Variants in RLN2 observed in about 807,000 individuals in gnomAD.
RLN2 encodes the protein relaxin 2, also known as prorelaxin H2.
A neutral mutation model predicts 7.3 loss-of-function variants in RLN2; 10 were observed. The observed-to-expected ratio is 1.36, with a 90% CI of 0.84 to 2.31. The LOEUF is 2.31. Ranked by LOEUF, RLN2 falls within the 30% of genes most tolerant of loss-of-function variation. The pLI is 0.00. For synonymous variants in RLN2, 103 were observed against 82.3 expected (o/e 1.25, Z -1.36); for missense variants, 298 against 217.6 (o/e 1.37, Z -2.32).
chr9:5,321,763 G>C, the RLN2 span, among the ~76,000 whole-genome samples: 1 of 151,868 alleles, frequency 6.6e-6, no homozygotes, highest in East Asian at 1.9e-4. Flanking sequence ...AAAGGAGAAA[G>C]CAAGAACACT....
At chr9:5,320,861 T>C in the RLN2 span, among the ~76,000 whole-genome samples, 1 of 152,086 alleles carries the variant, frequency 6.6e-6, no homozygotes, top group Non-Finnish European at 1.5e-5. Context: ...GTAGAAATGA[T>C]GAATTTTATC....
chr9:5,315,262 AAAG>A, the RLN2 span, among the ~76,000 whole-genome samples: 1 of 151,950 alleles, frequency 6.6e-6, no homozygotes, highest in Non-Finnish European at 1.5e-5. Context: ...GAAATTCAAT[AAAG>A]AAGAAAACAG....
the RLN2 span, among the ~76,000 whole-genome samples, chr9:5,333,786 C>G: frequency 6.6e-6 from 1 of 151,972 alleles, no homozygotes; most frequent in Non-Finnish European, 1.5e-5. Context: ...CACTGGCAAG[C>G]AAAATCCAGC....
At chr9:5,320,071 T>A in the RLN2 span, among the ~76,000 whole-genome samples, 1 of 150,914 alleles carries the variant, frequency 6.6e-6, no homozygotes, top group Non-Finnish European at 1.5e-5. Context: ...CTGCAACCTC[T>A]GCCTCCCGGA....
the RLN2 span, among the ~76,000 whole-genome samples, chr9:5,338,172 T>C: frequency 5.5e-4 from 60 of 109,504 alleles, 1 homozygote; most frequent in South Asian, 0.014. Flanking sequence ...TTAATGTACA[T>C]TTGTCTTTAA....
At chr9:5,320,595 T>C in the RLN2 span, among the ~76,000 whole-genome samples, 1 of 151,710 alleles carries the variant, frequency 6.6e-6, no homozygotes. Flanking sequence ...GCTCTCAAAC[T>C]TCTGACCTCA....
the RLN2 span, among the ~76,000 whole-genome samples, chr9:5,336,242 T>G: frequency 6.6e-6 from 1 of 152,020 alleles, no homozygotes; most frequent in African/African-American, 2.4e-5. Flanking sequence ...AAGAGAGAAG[T>G]GGGTTAAAAG....
the RLN2 span, among the ~76,000 whole-genome samples, chr9:5,321,287 C>T: frequency 4.6e-5 from 7 of 152,048 alleles, no homozygotes; most frequent in African/African-American, 1.7e-4. Flanking sequence ...GGACTTTCTT[C>T]CAGGTAAGAT....
chr9:5,338,097 T>C, the RLN2 span, among the ~76,000 whole-genome samples: 5,516 of 141,554 alleles, frequency 0.039, 156 homozygotes, highest in South Asian at 0.047. Flanking sequence ...CATTTTCTCA[T>C]AAAATTCACA....
At chr9:5,334,899 T>C in the RLN2 span, 2 of 174,168 alleles carry the variant, frequency 1.1e-5, no homozygotes, top group Non-Finnish European at 2.4e-5. Context: ...TAAGAGTTAA[T>C]ATCAATAAAA....
At chr9:5,307,288 GATAGATAGA>G (rs1816272170), upstream of RLN2, among the ~76,000 whole-genome samples, 12 of 134,496 alleles carry the variant, frequency 8.9e-5, no homozygotes, top group Admixed American at 8.6e-4. Flanking sequence ...TAGATAGATA[GATAGATAGA>G]TAGATAGATA....
chr9:5,327,292 C>A, the RLN2 span, among the ~76,000 whole-genome samples: 7 of 152,080 alleles, frequency 4.6e-5, no homozygotes, highest in African/African-American at 1.4e-4. Flanking sequence ...TTGCTCACTA[C>A]TAGCGCAGCA....
chr9:5,307,233 T>TAG (rs1816267332), upstream of RLN2, among the ~76,000 whole-genome samples: 1 of 151,226 alleles, frequency 6.6e-6, no homozygotes, highest in East Asian at 1.9e-4. Flanking sequence ...AGATAGATGA[T>TAG]AGATAGGTGA....
the RLN2 span, among the ~76,000 whole-genome samples, chr9:5,321,117 C>CTTTTG: frequency 6.6e-6 from 1 of 152,044 alleles, no homozygotes; most frequent in Non-Finnish European, 1.5e-5. Context: ...CAGTTTTAAC[C>CTTTTG]AAAAGTTTAA....
the RLN2 span, among the ~76,000 whole-genome samples, chr9:5,336,153 C>T: frequency 6.6e-6 from 1 of 151,972 alleles, no homozygotes; most frequent in South Asian, 2.1e-4. Flanking sequence ...AGAAGGAAAT[C>T]TCTGATGTTC....
chr9:5,311,309 T>G, the RLN2 span: 1 of 357,922 alleles, frequency 2.8e-6, no homozygotes, highest in Non-Finnish European at 5.3e-6. Flanking sequence ...TATGAGTGCA[T>G]GAGCAGACAT....
chr9:5,316,460 G>A, the RLN2 span, among the ~76,000 whole-genome samples: 1 of 151,848 alleles, frequency 6.6e-6, no homozygotes, highest in Non-Finnish European at 1.5e-5. Context: ...CCCCCTGAAA[G>A]GCCCTGTTGT....
At chr9:5,329,032 G>A in the RLN2 span, among the ~76,000 whole-genome samples, 7 of 151,872 alleles carry the variant, frequency 4.6e-5, no homozygotes, top group Admixed American at 2.0e-4. Context: ...GGCCGGGTGC[G>A]GTGGCTCACG....
At chr9:5,311,086 T>G in the RLN2 span, among the ~76,000 whole-genome samples, 130 of 151,894 alleles carry the variant, frequency 8.6e-4, 1 homozygote, top group African/African-American at 3.0e-3. Context: ...GAGAAAAAAA[T>G]GCACTCTAAG....
Sources: gnomAD v4.1 joint callset for allele counts (sites outside exome capture counted in the v4.1 genomes callset) on GRCh38, gnomAD v4.1.1 for gene constraint, MANE v1.5 for transcripts, NCBI Gene and HGNC (gene_info 2026-07-23, HGNC 2026-07-21) for gene names.